The following SSH2 variants were observed in gnomAD, a reference collection of about 807,000 sequenced individuals.
SSH2 encodes the protein slingshot protein phosphatase 2.
Under a neutral mutation model 135.2 loss-of-function variants are expected in SSH2, and 37 were observed. The ratio of observed to expected loss-of-function variants is 0.27; its 90% CI spans 0.21 to 0.36. The LOEUF is 0.36. Ranked by LOEUF, SSH2 falls within the 10% of genes least tolerant of loss-of-function variation. The pLI is 1.00. For synonymous variants in SSH2, 628 were observed against 646.2 expected, an observed-to-expected ratio of 0.97 and a Z score of 0.43; for missense variants, 1,408 against 1,765.3, an observed-to-expected ratio of 0.80 and a Z score of 3.63.
chr17:29,693,068 T>G (rs901846857), intron 5 of SSH2, among the ~76,000 whole-genome samples: 2 of 152,094 alleles, frequency 1.3e-5, no homozygotes, highest in African/African-American at 4.8e-5. Context: ...CAAGCAATAC[T>G]CCCACTGCAG....
rs1341631889 is a variant in SSH2, at chr17:29,716,571, CA to C, written c.189-13510del. ...ACAGTACCCATTCCCTTGATGTCTACATTATCACCTTTCTTATAGATTCGCA... is the reference window on the plus strand; with the variant it reads ...ACAGTACCCATTCCCTTGATGTCTACTTATCACCTTTCTTATAGATTCGCA... On this transcript the variant is annotated intron_variant, in intron 3 of 15. Transcript: ENST00000540801. 12 of 715,680 alleles carry C rather than the reference CA, an allele frequency of 1.7e-5. No individual in the cohort carries two copies. In the African/African-American group the frequency reaches 2.1e-4, roughly 12 times the overall value. The allele number at this position is 715,680 out of a possible 1,614,324, so 44.3% of individuals were successfully genotyped here.
chr17:29,667,493 T>C (rs1389994823), intron 9 of SSH2, among the ~76,000 whole-genome samples: 2 of 152,172 alleles, frequency 1.3e-5, no homozygotes. Context: ...CAGCATTAGA[T>C]TCTCATAGGA....
intron 3 of SSH2, among the ~76,000 whole-genome samples, chr17:29,745,709 A>C (rs556694804): frequency 1.3e-5 from 2 of 152,292 alleles, no homozygotes; most frequent in East Asian, 3.9e-4. Flanking sequence ...CTAGTGTGCC[A>C]CTCTAATTAT....
chr17:29,698,673 T>C (rs1201671324), intron 4 of SSH2, among the ~76,000 whole-genome samples: 1 of 152,038 alleles, frequency 6.6e-6, no homozygotes, highest in Non-Finnish European at 1.5e-5. Flanking sequence ...TTTTTTGTAT[T>C]TTTTGTAGAG....
At chr17:29,711,468 T>C (rs975800209) in intron 3 of SSH2, among the ~76,000 whole-genome samples, 11 of 152,356 alleles carry the variant, frequency 7.2e-5, no homozygotes, top group Non-Finnish European at 1.3e-4. Context: ...ATGTGCATCT[T>C]AGAAATGTCT....
At chr17:29,682,659 A>AG (rs1567873556) in intron 6 of SSH2, among the ~76,000 whole-genome samples, 1 of 152,086 alleles carries the variant, frequency 6.6e-6, no homozygotes, top group East Asian at 1.9e-4. Flanking sequence ...GGAAGATGAA[A>AG]GAAGGAAGGA....
chr17:29,883,004 G>A (rs1963170644), intron 1 of SSH2: 1 of 152,032 alleles, frequency 6.6e-6, no homozygotes, highest in Admixed American at 6.6e-5. Context: ...CTTATGCCTA[G>A]AATCCTTTTG....
intron 14 of SSH2, 95 bp downstream of exon 14, chr17:29,648,049 C>G: frequency 8.5e-7 from 1 of 1,183,156 alleles, no homozygotes; most frequent in Non-Finnish European, 1.2e-6. Context: ...AATATCACAT[C>G]CAAATCAGCT....
intron 1 of SSH2, among the ~76,000 whole-genome samples, chr17:29,872,865 G>A (rs1319658487): frequency 2.6e-5 from 4 of 151,794 alleles, no homozygotes; most frequent in African/African-American, 7.3e-5. Context: ...GCGTGGTGCC[G>A]CGTGCCTATA....
At position 29,679,262 on chromosome 17, in the gene SSH2, G is replaced by A. The variant is rs8074488; in HGVS notation, c.480-1521C>T. Among the ~76,000 whole-genome samples the A allele has an allele frequency of 3.6e-3, 552 of 152,260 alleles. 3 individuals carry two copies. Among genetic ancestry groups the A allele is most frequent in the African/African-American group, 0.013 (537 of 41,558 alleles). On this transcript the variant is annotated intron_variant, in intron 6 of 15. Coordinates refer to ENST00000540801, the MANE Select transcript of SSH2 (RefSeq NM_001282129.2). ...AATCTATCTAGAGCGGAAGCATGGT[G>A]TACTAGAAAGAATCTGGCATAACCA...
Position 29,888,100 on chromosome 17 carries a change from T to C in SSH2, c.64-39171A>G, listed in dbSNP as rs368932202. The stretch of plus-strand genomic sequence containing the variant: ...AAAAAATTTAAAAGTTAGCCAGGCA[T>C]AGTGGTACATGCCTGTAGTCCCAGC... On this transcript the variant is annotated intron_variant, in intron 1 of 15. Coordinates refer to ENST00000540801, the MANE Select transcript of SSH2 (RefSeq NM_001282129.2). 1.2e-4 allele frequency among the ~76,000 whole-genome samples: 19 copies of C among 152,220 alleles called. No homozygotes were observed. The South Asian group carries it at 3.9e-3, about 32-fold the overall frequency.
intron 3 of SSH2, among the ~76,000 whole-genome samples, chr17:29,764,685 C>A (rs988757649): frequency 6.6e-6 from 1 of 152,204 alleles, no homozygotes; most frequent in Non-Finnish European, 1.5e-5. Flanking sequence ...CATTTGCTGA[C>A]CATTTCAAGA....
intron 3 of SSH2, chr17:29,761,037 T>C: frequency 1.8e-6 from 2 of 1,129,440 alleles, no homozygotes; most frequent in Non-Finnish European, 2.3e-6. Context: ...GCAAGCAGGA[T>C]GCGCGCTCGC....
At chr17:29,912,375 C>G (rs145967363) in intron 1 of SSH2, among the ~76,000 whole-genome samples, 1 of 152,098 alleles carries the variant, frequency 6.6e-6, no homozygotes, top group African/African-American at 2.4e-5. Flanking sequence ...TAAATTTGGT[C>G]TTCTGTTACT....
intron 3 of SSH2, among the ~76,000 whole-genome samples, chr17:29,785,599 A>C (rs1004303530): frequency 3.4e-5 from 5 of 147,540 alleles, no homozygotes; most frequent in African/African-American, 5.0e-5. Flanking sequence ...TCCCGGGTTC[A>C]AGCGATTCTC....
chr17:29,660,113 C>T (rs964049374), intron 11 of SSH2, among the ~76,000 whole-genome samples: 1 of 147,832 alleles, frequency 6.8e-6, no homozygotes, highest in African/African-American at 2.7e-5. Flanking sequence ...CAGGCGTGAG[C>T]CACCACGCCT....
chr17:29,913,347 A>AAAAAAAATTATATAT, intron 1 of SSH2, among the ~76,000 whole-genome samples: 9 of 28,786 alleles, frequency 3.1e-4, no homozygotes, highest in South Asian at 2.6e-3. Flanking sequence ...AAAAAAAAAA[A>AAAAAAAATTATATAT]ATATATATAT....
At chr17:29,867,979 A>G (rs2065880660) in intron 1 of SSH2, among the ~76,000 whole-genome samples, 1 of 152,194 alleles carries the variant, frequency 6.6e-6, no homozygotes, top group South Asian at 2.1e-4. Flanking sequence ...CATTCTGACC[A>G]CAAGATGTCC....
At chr17:29,926,745 C>T (rs1201337696) in intron 1 of SSH2, among the ~76,000 whole-genome samples, 2 of 152,136 alleles carry the variant, frequency 1.3e-5, no homozygotes, top group Non-Finnish European at 2.9e-5. Context: ...TCAAACTGGT[C>T]TATTTAATTC....
Sources: gnomAD v4.1 joint callset for allele counts (sites outside exome capture counted in the v4.1 genomes callset) on GRCh38, gnomAD v4.1.1 for gene constraint, MANE v1.5 for transcripts, NCBI Gene and HGNC (gene_info 2026-07-23, HGNC 2026-07-21) for gene names.